The following CDH1 variants were observed in gnomAD, a reference collection of about 807,000 sequenced individuals.
CDH1 encodes cadherin 1, also known as cadherin-1.
In CDH1, 35 loss-of-function variants were observed where a neutral mutation model predicts 84.5. The observed-to-expected ratio is 0.41, with a 90% CI of 0.32 to 0.55. The LOEUF (loss-of-function observed/expected upper bound fraction) is 0.55. Among genes scored for constraint, CDH1 ranks in the 20% least tolerant of loss-of-function variants. The pLI is 0.19. For synonymous variants in CDH1, 417 were observed against 439.0 expected (o/e 0.95, Z 0.63); for missense variants, 994 against 1,126.6 (o/e 0.88, Z 1.68).
intron 2 of CDH1, among the ~76,000 whole-genome samples, chr16:68,772,433 A>G (rs1959604181): frequency 6.6e-6 from 1 of 152,192 alleles, no homozygotes; most frequent in African/African-American, 2.4e-5. Context: ...AAAATTCAAT[A>G]AATGTTCACT....
At chr16:68,757,463 T>C (rs1445019067) in intron 2 of CDH1, among the ~76,000 whole-genome samples, 1 of 152,234 alleles carries the variant, frequency 6.6e-6, no homozygotes, top group Non-Finnish European at 1.5e-5. Context: ...TTCATTCTTC[T>C]TTCTGCTAAT....
At chr16:68,755,341 A>T (rs990278694) in intron 2 of CDH1, among the ~76,000 whole-genome samples, 4 of 150,938 alleles carry the variant, frequency 2.7e-5, no homozygotes, top group African/African-American at 7.3e-5. Context: ...CTGGACTTCT[A>T]CATTCAAGTC....
At position 68,832,298 on chromosome 16, in the gene CDH1, T is replaced by C. The variant is rs989835263; in HGVS notation, c.2440-992T>C. Among the ~76,000 whole-genome samples the C allele has an allele frequency of 2.6e-5, 4 of 152,036 alleles. No individual in the cohort carries two copies. In the South Asian group the frequency reaches 6.2e-4, roughly 24 times the overall value. ...TCCCAAACCTAAAAGTTTTTTTTTT[T>C]TTAAGTATGCTTGCTATTTTAAAAA... On this transcript the variant is annotated intron_variant, in intron 15 of 15. Transcript: ENST00000261769.
At chr16:68,746,948 CAACA>C (rs201828383) in intron 2 of CDH1, among the ~76,000 whole-genome samples, 21 of 152,128 alleles carry the variant, frequency 1.4e-4, no homozygotes, top group Middle Eastern at 3.4e-3. Context: ...TACTCCATCT[CAACA>C]AACAAACAAA....
intron 5 of CDH1, 136 bp from the exon 6 acceptor site, chr16:68,810,061 G>C: frequency 1.2e-6 from 1 of 860,216 alleles, no homozygotes; most frequent in Admixed American, 1.7e-5. Context: ...ACATGTGTGA[G>C]AAAAGTCACC....
In CDH1 at chr16:68,835,326, T is replaced by C. The variant is rs1961608153; in HGVS notation, c.*1827T>C. On this transcript the variant is annotated 3_prime_UTR_variant, in exon 16 of 16. Coordinates refer to ENST00000261769, the MANE Select transcript of CDH1 (RefSeq NM_004360.5). The stretch of plus-strand genomic sequence containing the variant: ...TTGGAGAAAAAAATCAACCCTGCAA[T>C]CACTTTTTGGAATTGTCTTGATTTT... The C allele has an allele frequency of 4.5e-6, 1 of 224,446 alleles. No homozygotes were observed. Among genetic ancestry groups the C allele is most frequent in the African/African-American group, 2.2e-5 (1 of 44,818 alleles). The allele number at this position is 224,446 out of a possible 1,614,324, so 13.9% of individuals were successfully genotyped here.
chr16:68,746,856 G>A (rs1365851764), intron 2 of CDH1, among the ~76,000 whole-genome samples: 1 of 152,156 alleles, frequency 6.6e-6, no homozygotes, highest in Non-Finnish European at 1.5e-5. Flanking sequence ...GGCCGAGGCA[G>A]GAGAATCACT....
Position 68,745,566 on chromosome 16 carries a change from A to G in CDH1, c.163+7155A>G, listed in dbSNP as rs8045946. Among the ~76,000 whole-genome samples, 15 of 18,802 alleles carry G rather than the reference A, an allele frequency of 8.0e-4. 1 individual carries two copies. Among genetic ancestry groups the G allele is most frequent in the East Asian group, 1.4e-3 (1 of 708 alleles). 12.3% of individuals were successfully genotyped at this position (18,802 alleles called of 152,430 possible). On this transcript the variant is annotated intron_variant, in intron 2 of 15. Coordinates refer to ENST00000261769, the MANE Select transcript of CDH1 (RefSeq NM_004360.5). ...AAAAAAAAAATATATATATATATGT[A>G]TATATATATGTATGTGTAATATATG...
chr16:68,829,959 CTT>C (rs35566564), intron 15 of CDH1, among the ~76,000 whole-genome samples, 162 bp downstream of exon 15: 14 of 107,988 alleles, frequency 1.3e-4, no homozygotes, highest in Non-Finnish European at 1.4e-4. Flanking sequence ...TTTTCTTTTT[CTT>C]TTTTTTTTTT....
At chr16:68,783,824 C>A (rs1187104565) in intron 2 of CDH1, among the ~76,000 whole-genome samples, 1 of 152,026 alleles carries the variant, frequency 6.6e-6, no homozygotes, top group Non-Finnish European at 1.5e-5. Context: ...CTACAGGCAC[C>A]TACCACCACG....
At chr16:68,796,179 A>AG (rs1463925162) in intron 2 of CDH1, among the ~76,000 whole-genome samples, 6 of 152,086 alleles carry the variant, frequency 3.9e-5, no homozygotes, top group African/African-American at 1.4e-4. Flanking sequence ...CAAAAAAAAA[A>AG]GAATTGCTAA....
In CDH1 at chr16:68,834,530, A is replaced by G. The variant is rs896475611; in HGVS notation, c.*1031A>G. The G allele has an allele frequency of 3.7e-6, 1 of 272,668 alleles. No individual in the cohort carries two copies. Among genetic ancestry groups the G allele is most frequent in the African/African-American group, 2.2e-5 (1 of 45,836 alleles). 16.9% of individuals were successfully genotyped at this position (272,668 alleles called of 1,614,324 possible). ...CTGTGCCCAGCCTCCATGTTTTAAT[A>G]TCAACTCTCACTCCTGAATTCAGTT... On this transcript the variant is annotated 3_prime_UTR_variant, in exon 16 of 16. Transcript: ENST00000261769.
intron 1 of CDH1, among the ~76,000 whole-genome samples, chr16:68,738,027 A>G (rs113032939): frequency 6.6e-6 from 1 of 152,136 alleles, no homozygotes; most frequent in South Asian, 2.1e-4. Context: ...CATCTCCAAT[A>G]AAATGAGAAA....
At chr16:68,776,510 T>C (rs1180085048) in intron 2 of CDH1, among the ~76,000 whole-genome samples, 2 of 152,134 alleles carry the variant, frequency 1.3e-5, no homozygotes, top group African/African-American at 2.4e-5. Flanking sequence ...TTTTACTTAG[T>C]AAAATCTCAT....
chr16:68,823,992 CT>C (rs889358029), intron 13 of CDH1, among the ~76,000 whole-genome samples: 92 of 99,912 alleles, frequency 9.2e-4, no homozygotes, highest in South Asian at 1.7e-3. Context: ...TTCTGCATTT[CT>C]TTTTTTTTTT....
chr16:68,751,733 C>T (rs1962887448), intron 2 of CDH1, among the ~76,000 whole-genome samples: 1 of 151,690 alleles, frequency 6.6e-6, no homozygotes, highest in Non-Finnish European at 1.5e-5. Context: ...AAACTCCTAA[C>T]CTCAGGTGAT....
chr16:68,808,321 G>A, intron 3 of CDH1, 103 bp from the exon 4 acceptor site: 1 of 1,149,450 alleles, frequency 8.7e-7, no homozygotes, highest in Non-Finnish European at 1.3e-6. Flanking sequence ...ACTGTACACT[G>A]CCCACAGAAG....
At chr16:68,778,671 C>G (rs1383929531) in intron 2 of CDH1, among the ~76,000 whole-genome samples, 1 of 151,994 alleles carries the variant, frequency 6.6e-6, no homozygotes, top group Non-Finnish European at 1.5e-5. Context: ...GCAGGCAGGC[C>G]GGTTTTCCAG....
At chr16:68,745,549 A>AATATATATATATATATGT (rs1555510456) in intron 2 of CDH1, among the ~76,000 whole-genome samples, 1,163 of 75,134 alleles carry the variant, frequency 0.015, 32 homozygotes, top group East Asian at 0.043. Flanking sequence ...AAAAAAAAAA[A>AATATATATATATATATGT]ATATATATAT....
Sources: gnomAD v4.1 joint callset for allele counts (sites outside exome capture counted in the v4.1 genomes callset) on GRCh38, gnomAD v4.1.1 for gene constraint, MANE v1.5 for transcripts, NCBI Gene and HGNC (gene_info 2026-07-23, HGNC 2026-07-21) for gene names.